SLC25A48: variants seen among roughly 807,000 people sequenced by gnomAD.
SLC25A48 encodes the protein solute carrier family 25 member 48, also known as CTC-321K16.1.
Under a neutral mutation model 32.2 loss-of-function variants are expected in SLC25A48, and 29 were observed. The ratio of observed to expected loss-of-function variants is 0.90; its 90% confidence interval spans 0.67 to 1.23. The LOEUF is 1.23. Ranked by LOEUF, SLC25A48 falls within the 50% of genes most tolerant of loss-of-function variation. The pLI, the probability that SLC25A48 is intolerant of heterozygous loss-of-function variation, is 0.00. For missense variants in SLC25A48, 399 were observed against 422.7 expected (o/e 0.94, Z 0.49); for synonymous variants, 164 against 172.3 (o/e 0.95, Z 0.38).
chr5:135,812,172 AG>A (rs1757603824), intron 3 of SLC25A48, among the ~76,000 whole-genome samples: 3 of 152,164 alleles, frequency 2.0e-5, no homozygotes, highest in Admixed American at 6.5e-5. Context: ...TTATTTTTTA[AG>A]CTTCTATGGG....
Position 135,635,608 on chromosome 5 carries a change from G to C in SLC25A48, c.-521+652G>C, listed in dbSNP as rs145126558. ...GCCTTGAATGAATCAGTGGTATGCT[G>C]GTAAATGTTTAACAAGTGGCTCTCT... On this transcript the variant is annotated intron_variant, in intron 3 of 10. Transcript: ENST00000646290. 8.4e-4 allele frequency among the ~76,000 whole-genome samples: 128 copies of C among 152,242 alleles called. 1 individual carries two copies. Among genetic ancestry groups the C allele is most frequent in the African/African-American group, 3.0e-3 (123 of 41,562 alleles).
chr5:135,846,282 GATC>G (rs1051456437), intron 2 of SLC25A48, among the ~76,000 whole-genome samples: 7 of 152,314 alleles, frequency 4.6e-5, no homozygotes, highest in Non-Finnish European at 7.3e-5. Flanking sequence ...AAATGTTGGG[GATC>G]ACTCTTGTAG....
At chr5:135,831,907 C>G (rs1758221704), upstream of SLC25A48, among the ~76,000 whole-genome samples, 1 of 152,178 alleles carries the variant, frequency 6.6e-6, no homozygotes, top group Non-Finnish European at 1.5e-5. Flanking sequence ...TGGCACAGGG[C>G]TGGGCTGAGC....
At chr5:135,749,744 A>T (rs1755726551) in intron 3 of SLC25A48, among the ~76,000 whole-genome samples, 1 of 152,000 alleles carries the variant, frequency 6.6e-6, no homozygotes, top group Non-Finnish European at 1.5e-5. Context: ...GGCGCACACC[A>T]CCACGCTGGG....
At chr5:135,653,541 T>A (rs56842047) in intron 3 of SLC25A48, among the ~76,000 whole-genome samples, 4,246 of 152,266 alleles carry the variant, frequency 0.028, 204 homozygotes, top group African/African-American at 0.096. Flanking sequence ...GATTGGTTAG[T>A]AGAAGAAGGA....
intron 3 of SLC25A48, among the ~76,000 whole-genome samples, chr5:135,645,849 G>C (rs2126920473): frequency 6.6e-6 from 1 of 152,184 alleles, no homozygotes; most frequent in Non-Finnish European, 1.5e-5. Context: ...TGGAGAGAAT[G>C]TAGAACTTCT....
At position 135,761,712 on chromosome 5, in the gene SLC25A48, A is replaced by T. The variant is rs1478161773; in HGVS notation, c.-520-50811A>T. On this transcript the variant is annotated intron_variant, in intron 3 of 10. Transcript: ENST00000646290. ...CTTAAACCGTATTCATGGGAAACAC[A>T]TTCTCTTTCTGAAATGCCAGATGGC... Among the ~76,000 whole-genome samples the T allele has an allele frequency of 1.1e-4, 16 of 152,226 alleles. 1 individual carries two copies. The highest frequency in any genetic ancestry group is 3.9e-4 in the African/African-American group (16 of 41,462).
intron 3 of SLC25A48, among the ~76,000 whole-genome samples, chr5:135,685,874 C>T (rs778000231): frequency 1.3e-5 from 2 of 152,226 alleles, no homozygotes; most frequent in African/African-American, 2.4e-5. Flanking sequence ...ACTTTAGCAG[C>T]CCAGCAAGTC....
chr5:135,675,584 A>T (rs1445559402), intron 3 of SLC25A48, among the ~76,000 whole-genome samples: 1 of 152,042 alleles, frequency 6.6e-6, no homozygotes, highest in Non-Finnish European at 1.5e-5. Context: ...TACTAATACC[A>T]TGCTGTTTTG....
At chr5:135,833,154 G>C (rs1758270970), upstream of SLC25A48, among the ~76,000 whole-genome samples, 1 of 152,218 alleles carries the variant, frequency 6.6e-6, no homozygotes, top group African/African-American at 2.4e-5. Context: ...CCATGGGCAG[G>C]TTTGTGGCAT....
chr5:135,649,332 C>T (rs1025953279), intron 3 of SLC25A48: 1 of 152,168 alleles, frequency 6.6e-6, no homozygotes, highest in Non-Finnish European at 1.5e-5. Context: ...TAGGGCACCC[C>T]TCATGAGGGG....
At chr5:135,856,018 G>A (rs1232719427) in intron 4 of SLC25A48, among the ~76,000 whole-genome samples, 1 of 152,190 alleles carries the variant, frequency 6.6e-6, no homozygotes, top group Non-Finnish European at 1.5e-5. Flanking sequence ...CCAAAGGAGG[G>A]TAGAAAAAAC....
rs535849496 is a variant in SLC25A48, at chr5:135,704,063, A to G, written c.-521+69107A>G. Among the ~76,000 whole-genome samples the G allele has an allele frequency of 4.1e-4, 62 of 152,346 alleles. 2 individuals carry two copies. The South Asian group carries it at 0.012, about 31-fold the overall frequency. On this transcript the variant is annotated intron_variant, in intron 3 of 10. Coordinates refer to the SLC25A48 transcript ENST00000646290. ...CCATTCAGTTAGTGTTCTGGCTGTC[A>G]CATTCCATTTTGGACCTGACTTGAA...
intron 3 of SLC25A48, among the ~76,000 whole-genome samples, chr5:135,675,964 C>T (rs1753759547): frequency 6.6e-6 from 1 of 151,768 alleles, no homozygotes. Flanking sequence ...TTTTTTGTAG[C>T]TATTATAAAT....
chr5:135,657,676 A>G (rs801552), intron 3 of SLC25A48, among the ~76,000 whole-genome samples: 50,986 of 152,054 alleles, frequency 0.34, 8,903 homozygotes, highest in East Asian at 0.62. Context: ...ATAAAGAGCT[A>G]CTGACTGTGT....
At chr5:135,878,701 G>T (rs781534473) in intron 6 of SLC25A48, among the ~76,000 whole-genome samples, 1 of 152,164 alleles carries the variant, frequency 6.6e-6, no homozygotes, top group Non-Finnish European at 1.5e-5. Flanking sequence ...AAAAGGGTTG[G>T]TTTCTACCTT....
chr5:135,800,229 A>C (rs888231309), intron 3 of SLC25A48, among the ~76,000 whole-genome samples: 2 of 151,304 alleles, frequency 1.3e-5, no homozygotes, highest in Admixed American at 6.6e-5. Flanking sequence ...CACCCCGCCC[A>C]GTGATATTCT....
At chr5:135,809,650 C>A (rs865915226) in intron 3 of SLC25A48, among the ~76,000 whole-genome samples, 2 of 152,172 alleles carry the variant, frequency 1.3e-5, no homozygotes, top group Non-Finnish European at 2.9e-5. Flanking sequence ...TCTCCCCCAA[C>A]CTCTGGCCCC....
chr5:135,728,483 T>C (rs1356575202), intron 3 of SLC25A48, among the ~76,000 whole-genome samples: 2 of 152,146 alleles, frequency 1.3e-5, no homozygotes, highest in Non-Finnish European at 2.9e-5. Context: ...TTCATACTAT[T>C]CTCTTATGTG....
Sources: gnomAD v4.1 joint callset for allele counts (sites outside exome capture counted in the v4.1 genomes callset) on GRCh38, gnomAD v4.1.1 for gene constraint, MANE v1.5 for transcripts, NCBI Gene and HGNC (gene_info 2026-07-23, HGNC 2026-07-21) for gene names.